The following ELAVL4 variants were observed in gnomAD, a reference collection of about 807,000 sequenced individuals.
ELAVL4 encodes ELAV like RNA binding protein 4.
ELAVL4 carries 1 observed loss-of-function variant against 35.6 expected under a neutral mutation model. The observed-to-expected ratio is 0.03, with a 90% confidence interval of 0.01 to 0.13. The LOEUF (loss-of-function observed/expected upper bound fraction) is 0.13. Among genes scored for constraint, ELAVL4 ranks in the 10% least tolerant of loss-of-function variants. The probability of loss-of-function intolerance (pLI) is 1.00; values close to 1 mark genes in which losing one functional copy is unlikely to be tolerated. For missense variants in ELAVL4, 267 were observed against 464.9 expected (o/e 0.57, Z 3.91); for synonymous variants, 156 against 171.0 (o/e 0.91, Z 0.69).
upstream of ELAVL4, among the ~76,000 whole-genome samples, chr1:50,101,437 C>T (rs1166436138): frequency 6.6e-6 from 1 of 152,114 alleles, no homozygotes; most frequent in African/African-American, 2.4e-5. Flanking sequence ...ATCTTGAGGA[C>T]ATACCTAGCT....
chr1:50,145,776 G>A (rs1450435331), intron 2 of ELAVL4, among the ~76,000 whole-genome samples: 4 of 152,114 alleles, frequency 2.6e-5, no homozygotes, highest in African/African-American at 9.7e-5. Flanking sequence ...TATTTTATCT[G>A]TCTGTTCGTT....
At chr1:50,160,924 A>T (rs555237648) in intron 2 of ELAVL4, among the ~76,000 whole-genome samples, 2 of 152,318 alleles carry the variant, frequency 1.3e-5, no homozygotes, top group African/African-American at 4.8e-5. Flanking sequence ...TTTAGAAGCC[A>T]TTGTCTTAGT....
At chr1:50,079,147 G>A (rs770725148) in intron 1 of ELAVL4, among the ~76,000 whole-genome samples, 1 of 151,966 alleles carries the variant, frequency 6.6e-6, no homozygotes, top group Non-Finnish European at 1.5e-5. Flanking sequence ...GACTGGTCTC[G>A]AACTCCTGGG....
In ELAVL4 at chr1:50,201,169, C is replaced by A; in HGVS notation, c.1092C>A (p.His364Gln). ...TTTCCTTTAAAACCAACAAAGCCCA[C>A]AAGTCCTGAATTTCCCATTCTTACT... ...LQVSFKTNKA[H>Q]KS The change falls in exon 7 of 7, where the codon CAC becomes CAA. Residue 364 changes from histidine to glutamine, a missense_variant. This residue lies in a region of ELAVL4 where 216 missense variants were observed against 409.5 expected (regional missense o/e 0.53). Transcript: ENST00000371824. This position sits in a 1 kb window ranked among gnomAD's most constrained non-coding sequence, Gnocchi z 4.3. 6.3e-7 allele frequency: 1 copy of A among 1,582,206 alleles called. No homozygotes were observed. Among genetic ancestry groups the A allele is most frequent in the Non-Finnish European group, 8.6e-7 (1 of 1,165,468 alleles).
intron 3 of ELAVL4, chr1:50,180,299 C>T (rs1680819010): frequency 6.6e-6 from 1 of 152,120 alleles, no homozygotes; most frequent in Non-Finnish European, 1.5e-5. Context: ...CTACATGACA[C>T]TCAAAGGAAA....
At chr1:50,186,541 G>A (rs528666315) in intron 3 of ELAVL4, among the ~76,000 whole-genome samples, 35 of 152,362 alleles carry the variant, frequency 2.3e-4, no homozygotes, top group African/African-American at 7.5e-4. Context: ...CCTGGGACTC[G>A]TGGAGGAGGT....
chr1:50,087,193 C>T (rs1665285707), intron 1 of ELAVL4, among the ~76,000 whole-genome samples: 1 of 152,104 alleles, frequency 6.6e-6, no homozygotes. Context: ...CCCAAAACAG[C>T]CAACCAGAAA....
rs767350030 is a variant in ELAVL4, at chr1:50,195,657, C to T, written c.605C>T (p.Thr202Met). The part of the protein sequence containing the change: ...GLNGQKPSGA[T>M]EPITVKFANN... ...AATGGCCAGAAGCCCAGCGGTGCTACGGAACCGATTACTGTGAAGTTTGCC... is the reference window on the plus strand; with the variant it reads ...AATGGCCAGAAGCCCAGCGGTGCTATGGAACCGATTACTGTGAAGTTTGCC... The change falls in exon 5 of 7, where the codon ACG becomes ATG. Residue 202 changes from threonine (T) to methionine (M), a missense_variant. Around this residue, in one of 2 missense-constraint regions of ELAVL4, gnomAD observed 216 missense variants for 409.5 expected, o/e 0.53. Coordinates refer to ENST00000371824, the MANE Select transcript of ELAVL4 (RefSeq NM_001144774.3). 22 of 1,614,026 alleles carry T rather than the reference C, an allele frequency of 1.4e-5. No individual in the cohort carries two copies. Among genetic ancestry groups the T allele is most frequent in the South Asian group, 4.4e-5 (4 of 91,092 alleles).
chr1:50,158,933 G>A (rs1439361123), intron 2 of ELAVL4, among the ~76,000 whole-genome samples: 1 of 151,826 alleles, frequency 6.6e-6, no homozygotes, highest in Non-Finnish European at 1.5e-5. Context: ...AGCTATTCGG[G>A]AGGCTGAGGC....
chr1:50,106,285 A>C, upstream of ELAVL4: 1 of 1,609,098 alleles, frequency 6.2e-7, no homozygotes, highest in South Asian at 1.1e-5. Context: ...TGATGCTGAG[A>C]TATCTGCAAC....
upstream of ELAVL4, among the ~76,000 whole-genome samples, chr1:50,099,542 C>T (rs1665868063): frequency 8.4e-6 from 1 of 118,462 alleles, no homozygotes; most frequent in African/African-American, 3.4e-5. Context: ...GCCTGGGTGA[C>T]AGAGCGAAAC....
At chr1:50,195,502 A>G in intron 4 of ELAVL4, 59 bp from the exon 5 acceptor site, 2 of 1,586,764 alleles carry the variant, frequency 1.3e-6, no homozygotes, top group Non-Finnish European at 1.7e-6. Flanking sequence ...ATCTCTTCCC[A>G]AAGATGTTTA....
At chr1:50,087,806 A>G (rs889185200) in intron 1 of ELAVL4, among the ~76,000 whole-genome samples, 8 of 152,222 alleles carry the variant, frequency 5.3e-5, no homozygotes, top group Non-Finnish European at 1.2e-4. Flanking sequence ...CCTGCAAACT[A>G]GGAGGAGAGT....
At chr1:50,061,870 C>A (rs1166583540) in intron 1 of ELAVL4, among the ~76,000 whole-genome samples, 1 of 152,132 alleles carries the variant, frequency 6.6e-6, no homozygotes, top group Non-Finnish European at 1.5e-5. Flanking sequence ...CTTTCTTCAC[C>A]CTCCTCGCCC....
intron 1 of ELAVL4, among the ~76,000 whole-genome samples, chr1:50,122,216 A>C (rs1669155748): frequency 6.6e-6 from 1 of 152,074 alleles, no homozygotes; most frequent in Admixed American, 6.6e-5. Context: ...AGTGCCTACT[A>C]TGTGTTAGCT....
At chr1:50,078,105 C>CG (rs1664844337) in intron 1 of ELAVL4, among the ~76,000 whole-genome samples, 1 of 132,400 alleles carries the variant, frequency 7.6e-6, no homozygotes, top group African/African-American at 3.6e-5. Flanking sequence ...AAATATATAC[C>CG]TTGTGTGTGT....
chr1:50,061,760 G>A (rs1220165890), intron 1 of ELAVL4, among the ~76,000 whole-genome samples: 3 of 152,140 alleles, frequency 2.0e-5, no homozygotes, highest in Non-Finnish European at 4.4e-5. Context: ...CCCAGTGTGG[G>A]AACTCCCCTA....
intron 1 of ELAVL4, among the ~76,000 whole-genome samples, chr1:50,119,064 G>GAAAT (rs1668549846): frequency 7.4e-6 from 1 of 134,924 alleles, no homozygotes; most frequent in African/African-American, 2.9e-5. Flanking sequence ...AAGAAAGAAA[G>GAAAT]AAAGAAAGAA....
At position 50,165,437 on chromosome 1, in the gene ELAVL4, T is replaced by TATAGATATAGATATAGATATAGATATAG. The variant is rs1553182936; in HGVS notation, c.251-11649_251-11648insGATATAGATATAGATATAGATATAGATA. Among the ~76,000 whole-genome samples the TATAGATATAGATATAGATATAGATATAG allele has an allele frequency of 3.1e-4, 46 of 150,450 alleles. 1 individual carries two copies. Among genetic ancestry groups the TATAGATATAGATATAGATATAGATATAG allele is most frequent in the African/African-American group, 9.8e-4 (40 of 40,888 alleles). Reference sequence around the variant, plus strand: ...CAAGAACTAACAGGAGATATATATATATATAGATATAGATATAGATACACA... The same window carrying TATAGATATAGATATAGATATAGATATAG: ...CAAGAACTAACAGGAGATATATATATATAGATATAGATATAGATATAGATATAGATATAGATATAGATATAGATACACA... On this transcript the variant is annotated intron_variant, in intron 2 of 6. Transcript: ENST00000371824.
Sources: allele counts gnomAD v4.1 joint callset (sites outside exome capture counted in the v4.1 genomes callset), GRCh38; gene constraint gnomAD v4.1.1; regional missense constraint gnomAD v4.1.1; non-coding constraint Gnocchi (gnomAD v3.1); transcripts MANE v1.5; gene names NCBI Gene and HGNC (gene_info 2026-07-23, HGNC 2026-07-21).